Variants in SPTBN1 observed in about 807,000 individuals in gnomAD.
SPTBN1 encodes spectrin beta, non-erythrocytic 1.
A neutral mutation model predicts 266.4 loss-of-function variants in SPTBN1; 32 were observed. The ratio of observed to expected loss-of-function variants is 0.12; its 90% CI spans 0.09 to 0.16. The LOEUF (loss-of-function observed/expected upper bound fraction) is 0.16, where lower values mean the gene tolerates loss of function less well. Ranked by LOEUF, SPTBN1 falls within the 10% of genes least tolerant of loss-of-function variation. SPTBN1 has a pLI of 1.00. For missense variants in SPTBN1, 2,296 were observed against 3,067.1 expected (o/e 0.75, Z 5.94); for synonymous variants, 1,336 against 1,162.2 (o/e 1.15, Z -3.04).
chr2:54,588,709 T>G (rs1298111953), intron 2 of SPTBN1, among the ~76,000 whole-genome samples: 1 of 152,204 alleles, frequency 6.6e-6, no homozygotes, highest in African/African-American at 2.4e-5. Context: ...CTGACTGCAG[T>G]TCCCATCCTG....
At chr2:54,557,901 C>T in intron 2 of SPTBN1, 1 of 984,998 alleles carries the variant, frequency 1.0e-6, no homozygotes, top group Non-Finnish European at 1.2e-6. Flanking sequence ...GGTGGCTCGC[C>T]GGGCCGCCGC....
At chr2:54,553,700 T>C (rs1672705747) in intron 2 of SPTBN1, among the ~76,000 whole-genome samples, 1 of 152,224 alleles carries the variant, frequency 6.6e-6, no homozygotes, top group African/African-American at 2.4e-5. Context: ...AGCTCTCGGA[T>C]TGGTTTTTCA....
At chr2:54,552,118 G>C (rs2104435988) in intron 2 of SPTBN1, among the ~76,000 whole-genome samples, 1 of 152,288 alleles carries the variant, frequency 6.6e-6, no homozygotes, top group East Asian at 1.9e-4. Context: ...CAGAGGAGTG[G>C]TCACCCTTGT....
chr2:54,582,562 T>G (rs1426869246), intron 2 of SPTBN1, among the ~76,000 whole-genome samples: 1 of 126,408 alleles, frequency 7.9e-6, no homozygotes, highest in East Asian at 2.1e-4. Flanking sequence ...AGACTCCGTC[T>G]CAAAAAAAAA....
intron 1 of SPTBN1, among the ~76,000 whole-genome samples, chr2:54,521,954 G>T (rs1392462877): frequency 6.6e-6 from 1 of 152,088 alleles, no homozygotes; most frequent in Non-Finnish European, 1.5e-5. Flanking sequence ...GTGGAGTGCA[G>T]TGGCACAGTT....
At chr2:54,528,026 G>A (rs572467632) in intron 2 of SPTBN1, 11 of 152,700 alleles carry the variant, frequency 7.2e-5, no homozygotes, top group African/African-American at 2.4e-4. Context: ...TTTGTCTCTT[G>A]AGTGGTGTTG....
At position 54,506,230 on chromosome 2, in the gene SPTBN1, C is replaced by T. The variant is rs117962321; in HGVS notation, c.-47-20142C>T. Among the ~76,000 whole-genome samples, 153 of 152,256 alleles carry T rather than the reference C, an allele frequency of 1.0e-3. 4 individuals are homozygous for T. In the East Asian group the frequency reaches 0.025, roughly 25 times the overall value. On this transcript the variant is annotated intron_variant, in intron 1 of 35. Transcript: ENST00000356805. ...CCTCTCTTGGCCCTGGGACCTTCCC[C>T]GTGCTACATGTGCTTTCGGAGGTTG...
chr2:54,616,653 A>G (rs981341888), intron 5 of SPTBN1, among the ~76,000 whole-genome samples: 5 of 152,148 alleles, frequency 3.3e-5, no homozygotes, highest in Non-Finnish European at 7.4e-5. Context: ...TGTTTTGGGG[A>G]GCTTTCTTTG....
At chr2:54,556,677 G>C (rs1672900984) in intron 2 of SPTBN1, among the ~76,000 whole-genome samples, 1 of 151,988 alleles carries the variant, frequency 6.6e-6, no homozygotes, top group Admixed American at 6.6e-5. Flanking sequence ...GATGTGGTGT[G>C]TGTGTGTGTG....
intron 1 of SPTBN1, among the ~76,000 whole-genome samples, chr2:54,485,214 C>A (rs550414859): frequency 6.6e-6 from 1 of 152,270 alleles, no homozygotes; most frequent in East Asian, 1.9e-4. Context: ...CTCTCCCTCT[C>A]TTTCCATGGT....
chr2:54,668,408 G>A lies in SPTBN1; in HGVS notation c.6934G>A (p.Glu2312Lys), dbSNP rs540132022. The A allele has an allele frequency of 1.6e-5, 26 of 1,614,056 alleles. No individual in the cohort carries two copies. The highest frequency in any genetic ancestry group is 1.6e-4 in the Middle Eastern group (1 of 6,062). The change falls in exon 36 of 36, where the codon GAG becomes AAG. Residue 2312 changes from glutamate (E) to lysine (K), a missense_variant. Physicochemically the swap from Glu to Lys is moderately conservative, Grantham distance 56 (BLOSUM62 1). Around this residue, in one of 12 missense-constraint regions of SPTBN1, gnomAD observed 347 missense variants for 368.5 expected, o/e 0.94. Transcript: ENST00000356805. ...ISSAISSDKH[E>K]VSASTQSTPA... ...TTCCGCCATCTCCTCTGATAAACAC[G>A]AGGTGTCTGCCAGCACCCAGAGCAC...
chr2:54,626,663 A>G lies in SPTBN1; in HGVS notation c.1644+429A>G, dbSNP rs760625281. ...ATGGACAGAGGAGAGGTCAGGAACCAGGCAGCCAGAGTTCTGATTGTGAGT... is the reference window on the plus strand; with the variant it reads ...ATGGACAGAGGAGAGGTCAGGAACCGGGCAGCCAGAGTTCTGATTGTGAGT... On this transcript the variant is annotated intron_variant, in intron 12 of 35. Transcript: ENST00000356805. The surrounding 1 kb of genome is among the most constrained non-coding windows in gnomAD (Gnocchi z 4.7). 6.6e-6 allele frequency among the ~76,000 whole-genome samples: 1 copy of G among 152,178 alleles called. No homozygotes were observed. The highest frequency in any genetic ancestry group is 1.5e-5 in the Non-Finnish European group (1 of 68,018).
intron 2 of SPTBN1, among the ~76,000 whole-genome samples, chr2:54,573,023 A>C (rs1432103531): frequency 6.6e-6 from 1 of 152,150 alleles, no homozygotes; most frequent in African/African-American, 2.4e-5. Context: ...ACCCCACCAG[A>C]TACTCATCTC....
chr2:54,464,807 A>G (rs1469034191), intron 1 of SPTBN1, among the ~76,000 whole-genome samples: 1 of 152,176 alleles, frequency 6.6e-6, no homozygotes, highest in East Asian at 1.9e-4. Flanking sequence ...CTCCTGCCTC[A>G]GCCTCCCAAG....
At chr2:54,580,954 C>A (rs1362596682) in intron 2 of SPTBN1, among the ~76,000 whole-genome samples, 2 of 151,766 alleles carry the variant, frequency 1.3e-5, no homozygotes, top group African/African-American at 4.8e-5. Flanking sequence ...AAAAATTAGC[C>A]ATGCATAGTG....
chr2:54,505,122 GAAGA>G (rs1443133834), intron 1 of SPTBN1, among the ~76,000 whole-genome samples: 4 of 152,224 alleles, frequency 2.6e-5, no homozygotes, highest in African/African-American at 9.6e-5. Context: ...GAGCCTCATT[GAAGA>G]GAGAGTGTCT....
intron 2 of SPTBN1, among the ~76,000 whole-genome samples, chr2:54,571,259 G>C (rs982324333): frequency 7.9e-5 from 12 of 152,076 alleles, no homozygotes; most frequent in Non-Finnish European, 1.8e-4. Context: ...CACATGGGCC[G>C]TGGATTTGCA....
intron 24 of SPTBN1, among the ~76,000 whole-genome samples, chr2:54,647,854 A>G (rs1451088414): frequency 6.6e-6 from 1 of 152,152 alleles, no homozygotes; most frequent in Non-Finnish European, 1.5e-5. Context: ...AAAAAATAAA[A>G]ATGATCAGAA....
In SPTBN1 at chr2:54,655,060, C is replaced by G. The variant is rs931827633; in HGVS notation, c.5823-10C>G. 3 of 1,605,750 alleles carry G rather than the reference C, an allele frequency of 1.9e-6. No homozygotes were observed. The highest frequency in any genetic ancestry group is 2.6e-6 in the Non-Finnish European group (3 of 1,174,642). On this transcript the variant is annotated splice_polypyrimidine_tract_variant and intron_variant, in intron 27 of 35. Coordinates refer to ENST00000356805, the MANE Select transcript of SPTBN1 (RefSeq NM_003128.3). ...ATCTCCTAACGGAGGCATCGTTTGTCTAATTTTAGGGATGTATCATCTGTT... is the reference window on the plus strand; with the variant it reads ...ATCTCCTAACGGAGGCATCGTTTGTGTAATTTTAGGGATGTATCATCTGTT...
Sources: allele counts gnomAD v4.1 joint callset (sites outside exome capture counted in the v4.1 genomes callset), GRCh38; gene constraint gnomAD v4.1.1; regional missense constraint gnomAD v4.1.1; non-coding constraint Gnocchi (gnomAD v3.1); transcripts MANE v1.5; gene names NCBI Gene and HGNC (gene_info 2026-07-23, HGNC 2026-07-21).